SEMA6D: variants seen among roughly 807,000 people sequenced by gnomAD.
SEMA6D encodes the protein semaphorin 6D, also known as semaphorin-6D.
SEMA6D carries 35 observed loss-of-function variants against 106.6 expected under a neutral mutation model. That is an observed-to-expected ratio of 0.33 (90% CI 0.25 to 0.44). SEMA6D has a LOEUF of 0.44. Ranked by LOEUF, SEMA6D falls within the 20% of genes least tolerant of loss-of-function variation. The pLI is 1.00. For missense variants in SEMA6D, 1,185 were observed against 1,345.9 expected, an observed-to-expected ratio of 0.88 and a Z score of 1.87; for synonymous variants, 499 against 487.7, an observed-to-expected ratio of 1.02 and a Z score of -0.31.
At chr15:47,444,533 G>C (rs1368290553) in intron 2 of SEMA6D, among the ~76,000 whole-genome samples, 1 of 152,144 alleles carries the variant, frequency 6.6e-6, no homozygotes, top group Non-Finnish European at 1.5e-5. Context: ...TCATTACACA[G>C]ATAATGGGGA....
At chr15:47,536,058 G>T (rs1340167218) in intron 3 of SEMA6D, among the ~76,000 whole-genome samples, 1 of 152,172 alleles carries the variant, frequency 6.6e-6, no homozygotes, top group Non-Finnish European at 1.5e-5. Context: ...ACTATGAACA[G>T]TTTTTTAACT....
At chr15:47,575,969 G>A (rs1393329075) in intron 3 of SEMA6D, among the ~76,000 whole-genome samples, 1 of 152,172 alleles carries the variant, frequency 6.6e-6, no homozygotes, top group East Asian at 1.9e-4. Flanking sequence ...TGGAAAAGGA[G>A]CCACGATAGA....
intron 4 of SEMA6D, among the ~76,000 whole-genome samples, chr15:47,678,610 A>G (rs1460348738): frequency 6.6e-6 from 1 of 151,788 alleles, no homozygotes; most frequent in Non-Finnish European, 1.5e-5. Flanking sequence ...GCAAAGTGCC[A>G]TGGATGGGAG....
intron 1 of SEMA6D, among the ~76,000 whole-genome samples, chr15:47,733,519 T>C (rs942199060): frequency 2.0e-5 from 3 of 152,224 alleles, no homozygotes; most frequent in African/African-American, 7.2e-5. Flanking sequence ...ACGAGTCTTG[T>C]TCCTTAAGGG....
At chr15:47,508,537 G>T (rs2044126094) in intron 3 of SEMA6D, among the ~76,000 whole-genome samples, 1 of 152,152 alleles carries the variant, frequency 6.6e-6, no homozygotes, top group African/African-American at 2.4e-5. Flanking sequence ...TAGTTTATTG[G>T]CTCAACTTTT....
intron 3 of SEMA6D, among the ~76,000 whole-genome samples, chr15:47,531,996 T>C (rs1038008784): frequency 8.5e-5 from 13 of 152,200 alleles, no homozygotes; most frequent in South Asian, 4.1e-4. Context: ...ATGGCACCTC[T>C]ACTCTTCTCT....
At chr15:47,698,651 T>C (rs1040597034) in intron 4 of SEMA6D, among the ~76,000 whole-genome samples, 6 of 152,226 alleles carry the variant, frequency 3.9e-5, no homozygotes, top group African/African-American at 1.4e-4. Context: ...ATATAGCTAA[T>C]TCACATATAT....
intron 3 of SEMA6D, among the ~76,000 whole-genome samples, chr15:47,484,602 T>C (rs947601783): frequency 4.6e-5 from 7 of 152,176 alleles, no homozygotes; most frequent in African/African-American, 1.7e-4. Context: ...TTATTACCAG[T>C]TAGTTCATGA....
chr15:47,317,808 GT>G (rs1465141876), intron 1 of SEMA6D, among the ~76,000 whole-genome samples: 3 of 151,992 alleles, frequency 2.0e-5, no homozygotes, highest in Non-Finnish European at 2.9e-5. Flanking sequence ...TTTTTCTGTA[GT>G]TTGAAATGTA....
At chr15:47,670,946 G>GA (rs2078124652) in intron 4 of SEMA6D, among the ~76,000 whole-genome samples, 1 of 152,068 alleles carries the variant, frequency 6.6e-6, no homozygotes, top group African/African-American at 2.4e-5. Context: ...TATTCTTAAG[G>GA]AAAAAAAGTG....
At chr15:47,728,442 T>C (rs2079904728) in intron 1 of SEMA6D, among the ~76,000 whole-genome samples, 1 of 152,194 alleles carries the variant, frequency 6.6e-6, no homozygotes, top group Non-Finnish European at 1.5e-5. Context: ...CAAACATTTA[T>C]TGAGTTCTTA....
intron 1 of SEMA6D, among the ~76,000 whole-genome samples, chr15:47,354,675 G>C (rs1254287032): frequency 2.0e-5 from 3 of 151,872 alleles, no homozygotes; most frequent in African/African-American, 7.3e-5. Context: ...GGAGGGGTTA[G>C]TGTGCATCAG....
chr15:47,573,827 A>G lies in SEMA6D; in HGVS notation c.-86-27038A>G, dbSNP rs150010390. 1.7e-4 allele frequency among the ~76,000 whole-genome samples: 26 copies of G among 152,222 alleles called. 1 individual carries two copies. The highest frequency in any genetic ancestry group is 6.3e-4 in the African/African-American group (26 of 41,526). On this transcript the variant is annotated intron_variant, in intron 3 of 19. Transcript: ENST00000558014. ...CATCTGTCCCAGCTATCAACACTCA[A>G]TCTTATGATGTTGACATCTAAATGA... is the stretch of plus-strand genomic sequence containing the variant.
intron 1 of SEMA6D, among the ~76,000 whole-genome samples, chr15:47,293,977 C>T (rs779044765): frequency 2.0e-5 from 3 of 152,258 alleles, no homozygotes; most frequent in African/African-American, 4.8e-5. Flanking sequence ...TATTCTGCAA[C>T]GTCAGCAGTG....
At chr15:47,683,030 A>G (rs1187498333) in intron 4 of SEMA6D, among the ~76,000 whole-genome samples, 1 of 152,248 alleles carries the variant, frequency 6.6e-6, no homozygotes, top group Non-Finnish European at 1.5e-5. Context: ...AGAGCAGACC[A>G]TGAGTAGAAA....
intron 4 of SEMA6D, among the ~76,000 whole-genome samples, chr15:47,685,634 A>G (rs753097637): frequency 1.7e-4 from 26 of 152,172 alleles, no homozygotes; most frequent in Admixed American, 1.3e-4. Flanking sequence ...CACATCACCC[A>G]TAGGGCAGGG....
At chr15:47,715,609 G>T (rs1248760152), upstream of SEMA6D, among the ~76,000 whole-genome samples, 3 of 152,136 alleles carry the variant, frequency 2.0e-5, no homozygotes, top group Non-Finnish European at 4.4e-5. Flanking sequence ...TGAAAACACG[G>T]CTAATCCATG....
At chr15:47,262,271 T>G (rs1019183471) in intron 1 of SEMA6D, among the ~76,000 whole-genome samples, 2 of 152,178 alleles carry the variant, frequency 1.3e-5, no homozygotes, top group Non-Finnish European at 2.9e-5. Context: ...CAAAGCAATT[T>G]ATAGGTTCAA....
At chr15:47,191,185 A>G (rs929970700) in intron 1 of SEMA6D, among the ~76,000 whole-genome samples, 3 of 151,518 alleles carry the variant, frequency 2.0e-5, no homozygotes, top group Non-Finnish European at 2.9e-5. Context: ...AAACATATAT[A>G]TATATATATA....
Sources: allele counts gnomAD v4.1 joint callset (sites outside exome capture counted in the v4.1 genomes callset), GRCh38; gene constraint gnomAD v4.1.1; transcripts MANE v1.5; gene names NCBI Gene and HGNC (gene_info 2026-07-23, HGNC 2026-07-21).